The following PRKG1 variants were observed in gnomAD, a reference collection of about 807,000 sequenced individuals.
PRKG1 encodes cGMP-dependent protein kinase 1.
Under a neutral mutation model 88.1 loss-of-function variants are expected in PRKG1, and 35 were observed. The observed-to-expected ratio is 0.40, with a 90% CI of 0.30 to 0.53. PRKG1 has a LOEUF of 0.53. Ranked by LOEUF, PRKG1 falls within the 20% of genes least tolerant of loss-of-function variation. The probability of loss-of-function intolerance (pLI) is 0.59; values close to 1 mark genes in which losing one functional copy is unlikely to be tolerated. For synonymous variants in PRKG1, 303 were observed against 292.5 expected (o/e 1.04, Z -0.37); for missense variants, 540 against 839.8 (o/e 0.64, Z 4.41).
chr10:52,225,950 G>C (rs1840377510), intron 9 of PRKG1, among the ~76,000 whole-genome samples: 1 of 151,336 alleles, frequency 6.6e-6, no homozygotes, highest in African/African-American at 2.4e-5. Context: ...TTTCTCCACA[G>C]CACTTACCAC....
chr10:51,853,941 T>A (rs1445876772), intron 4 of PRKG1, among the ~76,000 whole-genome samples: 1 of 152,154 alleles, frequency 6.6e-6, no homozygotes, highest in Non-Finnish European at 1.5e-5. Context: ...TTTTAATTGT[T>A]CAACCAGCAA....
At chr10:51,279,772 C>T (rs61852081) in intron 2 of PRKG1, among the ~76,000 whole-genome samples, 21,212 of 152,120 alleles carry the variant, frequency 0.14, 1,576 homozygotes, top group East Asian at 0.19. Context: ...TGTGTCTCTG[C>T]ATTTGAGATG....
intron 8 of PRKG1, among the ~76,000 whole-genome samples, chr10:52,148,207 G>A (rs1215410806): frequency 3.9e-5 from 6 of 152,060 alleles, no homozygotes; most frequent in African/African-American, 1.2e-4. Flanking sequence ...GGTAACATTG[G>A]CAATGCCTGG....
chr10:52,142,806 T>A (rs1343590720), intron 8 of PRKG1, among the ~76,000 whole-genome samples: 3 of 152,166 alleles, frequency 2.0e-5, no homozygotes, highest in East Asian at 3.9e-4. Flanking sequence ...CATTGTACCG[T>A]CCTTTTACTT....
intron 9 of PRKG1, among the ~76,000 whole-genome samples, chr10:52,187,727 C>A (rs1432226066): frequency 1.3e-5 from 2 of 152,186 alleles, no homozygotes; most frequent in African/African-American, 4.8e-5. Context: ...GACATGATAA[C>A]TAATCCCCAA....
chr10:51,937,954 T>C (rs1210006585), intron 5 of PRKG1, among the ~76,000 whole-genome samples: 1 of 152,114 alleles, frequency 6.6e-6, no homozygotes, highest in Non-Finnish European at 1.5e-5. Flanking sequence ...TAGTCCAGCA[T>C]ATCCATACTT....
chr10:51,930,161 A>G (rs1358974981), intron 5 of PRKG1, among the ~76,000 whole-genome samples: 1 of 152,210 alleles, frequency 6.6e-6, no homozygotes, highest in Non-Finnish European at 1.5e-5. Context: ...GTATGATTCC[A>G]CTTATGTGAG....
At position 51,264,542 on chromosome 10, in the gene PRKG1, G is replaced by A. The variant is rs557425372; in HGVS notation, c.478+111212G>A. ...CACATATGTATCACGGTATTCTGTG[G>A]CAAATGGGCTACACATTAGTTGGTT... On this transcript the variant is annotated intron_variant, in intron 2 of 17. Transcript: ENST00000373980. Among the ~76,000 whole-genome samples the A allele has an allele frequency of 1.2e-4, 18 of 152,278 alleles. No homozygotes were observed. The South Asian group carries it at 3.5e-3, about 30-fold the overall frequency.
At chr10:51,641,067 A>G (rs1374983629) in intron 3 of PRKG1, among the ~76,000 whole-genome samples, 2 of 152,024 alleles carry the variant, frequency 1.3e-5, no homozygotes, top group African/African-American at 4.8e-5. Flanking sequence ...GATAAAAAAA[A>G]TCAGATAATC....
At chr10:52,254,976 T>C (rs1441157382) in intron 10 of PRKG1, among the ~76,000 whole-genome samples, 2 of 152,114 alleles carry the variant, frequency 1.3e-5, no homozygotes, top group Non-Finnish European at 2.9e-5. Context: ...AACCATTTCC[T>C]CTGGGCAGTC....
At chr10:51,543,893 T>C (rs1457030346) in intron 3 of PRKG1, among the ~76,000 whole-genome samples, 1 of 152,140 alleles carries the variant, frequency 6.6e-6, no homozygotes, top group Non-Finnish European at 1.5e-5. Context: ...TTTGGAAAAC[T>C]CTCCTTATAT....
chr10:52,169,086 T>A lies in PRKG1; in HGVS notation c.1076+7123T>A, dbSNP rs530442252. On this transcript the variant is annotated intron_variant, in intron 9 of 17. Transcript: ENST00000373980. ...GGAGCATGGCACTGAGGATTGATTC[T>A]TGATGAATGTTAGCATTTAAAGGTT... Among the ~76,000 whole-genome samples, 4 of 152,296 alleles carry A rather than the reference T, an allele frequency of 2.6e-5. No homozygotes were observed. In the South Asian group the frequency reaches 8.3e-4, roughly 32 times the overall value.
chr10:51,447,355 G>A (rs535177416), intron 2 of PRKG1, among the ~76,000 whole-genome samples: 1 of 152,106 alleles, frequency 6.6e-6, no homozygotes, highest in South Asian at 2.1e-4. Context: ...ACACAAGGAA[G>A]CCCTTTGGGC....
chr10:51,565,510 G>A (rs1456174482), intron 3 of PRKG1, among the ~76,000 whole-genome samples: 3 of 152,078 alleles, frequency 2.0e-5, no homozygotes, highest in Admixed American at 6.6e-5. Context: ...TGTTCATGCC[G>A]TGAGCTATAT....
At chr10:51,961,290 G>T (rs76979635) in intron 5 of PRKG1, among the ~76,000 whole-genome samples, 1 of 152,030 alleles carries the variant, frequency 6.6e-6, no homozygotes, top group South Asian at 2.1e-4. Context: ...GTTGACCCTC[G>T]TGTCCACGGG....
At chr10:51,464,559 C>T (rs564326994) in intron 2 of PRKG1, among the ~76,000 whole-genome samples, 27 of 151,812 alleles carry the variant, frequency 1.8e-4, no homozygotes, top group African/African-American at 6.0e-4. Flanking sequence ...CCTACCTTAT[C>T]AAAAAAATAA....
chr10:51,579,008 T>TTTTTTTTTTTTTTTA (rs1837961868), intron 3 of PRKG1, among the ~76,000 whole-genome samples: 1 of 143,458 alleles, frequency 7.0e-6, no homozygotes, highest in African/African-American at 2.6e-5. Context: ...TTTTTTTTTT[T>TTTTTTTTTTTTTTTA]AGACAGAGTC....
At chr10:51,759,927 T>C (rs7068671) in intron 3 of PRKG1, among the ~76,000 whole-genome samples, 62,644 of 152,070 alleles carry the variant, frequency 0.41, 13,511 homozygotes, top group Middle Eastern at 0.55. Flanking sequence ...GTTTTATTAT[T>C]GTTGGTACAC....
intron 3 of PRKG1, among the ~76,000 whole-genome samples, chr10:51,727,547 G>A (rs1051753003): frequency 2.7e-4 from 41 of 152,184 alleles, no homozygotes; most frequent in African/African-American, 3.9e-4. Flanking sequence ...CTGGGATTCC[G>A]TTGACATTAA....
Sources: allele counts gnomAD v4.1 joint callset (sites outside exome capture counted in the v4.1 genomes callset), GRCh38; gene constraint gnomAD v4.1.1; transcripts MANE v1.5; gene names NCBI Gene and HGNC (gene_info 2026-07-23, HGNC 2026-07-21).